KCNQ5: variants seen among roughly 807,000 people sequenced by gnomAD.
The protein encoded by KCNQ5 is potassium voltage-gated channel subfamily KQT member 5.
A neutral mutation model predicts 98.2 loss-of-function variants in KCNQ5; 30 were observed. That is an observed-to-expected ratio of 0.31 (90% CI 0.23 to 0.41). The LOEUF is 0.41. Ranked by LOEUF, KCNQ5 falls within the 10% of genes least tolerant of loss-of-function variation. The pLI, the probability that KCNQ5 is intolerant of heterozygous loss-of-function variation, is 1.00. For synonymous variants in KCNQ5, 458 were observed against 449.4 expected (o/e 1.02, Z -0.24); for missense variants, 835 against 1,182.5 (o/e 0.71, Z 4.31).
Position 73,194,900 on chromosome 6 carries a change from G to A in KCNQ5, c.2285G>A (p.Arg762Lys). Residue 762 changes from arginine to lysine, a missense_variant, in exon 14 of 14, where the codon AGG (arginine) becomes AAG (lysine). Around this residue, in one of 10 missense-constraint regions of KCNQ5, gnomAD observed 416 missense variants for 446.9 expected, o/e 0.93. Coordinates refer to ENST00000370398, the MANE Select transcript of KCNQ5 (RefSeq NM_019842.4). ...CTCCCAGCCATCAAGCATCTGCCCA[G>A]GCCAGAAACTCTGCACCCTAACCCT... Reference protein sequence around the residue: ...PPLPAIKHLPRPETLHPNPAG... With the variant: ...PPLPAIKHLPKPETLHPNPAG... The A allele has an allele frequency of 6.2e-7, 1 of 1,614,094 alleles. No homozygotes were observed. Among genetic ancestry groups the A allele is most frequent in the Non-Finnish European group, 8.5e-7 (1 of 1,180,030 alleles).
chr6:72,997,551 G>A (rs1431644954), intron 1 of KCNQ5, among the ~76,000 whole-genome samples: 2 of 151,350 alleles, frequency 1.3e-5, no homozygotes, highest in South Asian at 2.1e-4. Context: ...AGAGGCGGGC[G>A]GATCACGAGG....
chr6:72,883,146 G>A (rs1488802682), intron 1 of KCNQ5, among the ~76,000 whole-genome samples: 1 of 152,126 alleles, frequency 6.6e-6, no homozygotes, highest in Non-Finnish European at 1.5e-5. Context: ...AGTAATCATT[G>A]TCTGATGAGA....
intron 1 of KCNQ5, among the ~76,000 whole-genome samples, chr6:72,708,782 C>T (rs548576236): frequency 6.6e-6 from 1 of 152,184 alleles, no homozygotes; most frequent in Admixed American, 6.5e-5. Context: ...TTCTAAAGTG[C>T]TGGAATTATA....
At chr6:72,952,061 A>G (rs548588709) in intron 1 of KCNQ5, among the ~76,000 whole-genome samples, 127 of 152,324 alleles carry the variant, frequency 8.3e-4, no homozygotes, top group African/African-American at 3.0e-3. Context: ...GGGGAAAAAA[A>G]TGGCCATTGT....
chr6:73,107,915 C>A (rs953396703), intron 6 of KCNQ5, among the ~76,000 whole-genome samples: 1 of 152,104 alleles, frequency 6.6e-6, no homozygotes, highest in Admixed American at 6.5e-5. Context: ...TCCATATATA[C>A]CTTTAGAAAA....
intron 11 of KCNQ5, among the ~76,000 whole-genome samples, chr6:73,171,170 C>G (rs570065214): frequency 6.6e-6 from 1 of 151,996 alleles, no homozygotes; most frequent in Non-Finnish European, 1.5e-5. Flanking sequence ...TGATGAAACT[C>G]CAGAAGATGT....
intron 1 of KCNQ5, among the ~76,000 whole-genome samples, chr6:72,939,130 C>T (rs1298766436): frequency 6.6e-6 from 1 of 152,172 alleles, no homozygotes; most frequent in East Asian, 1.9e-4. Flanking sequence ...TTGAGCATTA[C>T]AGAACGCTCA....
At chr6:73,123,450 A>G (rs1349719198) in intron 8 of KCNQ5, among the ~76,000 whole-genome samples, 1 of 152,142 alleles carries the variant, frequency 6.6e-6, no homozygotes, top group Non-Finnish European at 1.5e-5. Context: ...GATGAAAGAG[A>G]GGTCTAAGAA....
chr6:72,940,741 C>T (rs1766191759), intron 1 of KCNQ5, among the ~76,000 whole-genome samples: 1 of 152,156 alleles, frequency 6.6e-6, no homozygotes, highest in African/African-American at 2.4e-5. Context: ...TTTGAGTCTA[C>T]CTGTGTTTGA....
chr6:73,050,622 A>G (rs1220601411), intron 3 of KCNQ5, among the ~76,000 whole-genome samples: 1 of 152,212 alleles, frequency 6.6e-6, no homozygotes, highest in Non-Finnish European at 1.5e-5. Flanking sequence ...ACACTCCTAT[A>G]AAATTTTCTC....
chr6:73,074,188 C>G (rs1234760802), intron 3 of KCNQ5, among the ~76,000 whole-genome samples: 1 of 152,046 alleles, frequency 6.6e-6, no homozygotes, highest in Non-Finnish European at 1.5e-5. Flanking sequence ...ACTGTGGAAC[C>G]ACCATTCTAT....
In KCNQ5 at chr6:72,690,674, C is replaced by G. The variant is rs199863102; in HGVS notation, c.398+68087C>G. Among the ~76,000 whole-genome samples the G allele has an allele frequency of 2.0e-5, 3 of 151,258 alleles. No homozygotes were observed. In the East Asian group the frequency reaches 5.8e-4, roughly 29 times the overall value. ...TCTGTTCCCCCAACTGCATACAGAA[C>G]TCTAATGGGGCAGCCCATGCCTCCT... is the stretch of plus-strand genomic sequence containing the variant. On this transcript the variant is annotated intron_variant, in intron 1 of 13. Transcript: ENST00000370398.
chr6:73,188,241 G>C (rs960737355), intron 11 of KCNQ5, among the ~76,000 whole-genome samples: 3 of 152,114 alleles, frequency 2.0e-5, no homozygotes, highest in African/African-American at 7.2e-5. Context: ...TTGTTTTGGG[G>C]GGCAAGTTAC....
intron 1 of KCNQ5, among the ~76,000 whole-genome samples, chr6:72,646,239 A>G (rs1366864182): frequency 2.0e-5 from 3 of 152,128 alleles, no homozygotes; most frequent in South Asian, 2.1e-4. Flanking sequence ...ATATGTTTGT[A>G]TACATATACA....
chr6:73,073,039 G>T (rs925267633), intron 3 of KCNQ5, among the ~76,000 whole-genome samples: 11 of 152,072 alleles, frequency 7.2e-5, no homozygotes, highest in African/African-American at 2.4e-4. Flanking sequence ...TCTCCTCCCT[G>T]CACTTTTCTC....
At chr6:72,722,530 C>T (rs112915326) in intron 1 of KCNQ5, among the ~76,000 whole-genome samples, 1,756 of 152,272 alleles carry the variant, frequency 0.012, 28 homozygotes, top group African/African-American at 0.039. Context: ...CTCTCCAAAT[C>T]TCATTGTCTT....
Position 72,750,493 on chromosome 6 carries a change from T to C in KCNQ5, c.398+127906T>C, listed in dbSNP as rs544852781. Among the ~76,000 whole-genome samples, 277 of 152,200 alleles carry C rather than the reference T, an allele frequency of 1.8e-3. 1 individual carries two copies. Among genetic ancestry groups the C allele is most frequent in the African/African-American group, 6.4e-3 (266 of 41,552 alleles). ...TAATTTTATAAACAATAAAACTAGCTGTTGCTAGATGTCGGTTATAGACTG... is the reference window on the plus strand; with the variant it reads ...TAATTTTATAAACAATAAAACTAGCCGTTGCTAGATGTCGGTTATAGACTG... On this transcript the variant is annotated intron_variant, in intron 1 of 13. Transcript: ENST00000370398.
At chr6:72,786,880 C>A (rs1773776192) in intron 1 of KCNQ5, among the ~76,000 whole-genome samples, 1 of 151,726 alleles carries the variant, frequency 6.6e-6, no homozygotes, top group Admixed American at 6.6e-5. Context: ...GTGGCGGGCA[C>A]CTGTAGTCCC....
At chr6:72,792,462 A>C (rs1774102963) in intron 1 of KCNQ5, among the ~76,000 whole-genome samples, 1 of 152,240 alleles carries the variant, frequency 6.6e-6, no homozygotes, top group African/African-American at 2.4e-5. Flanking sequence ...TCTTGGATAA[A>C]GTGGAACTTT....
Sources: gnomAD v4.1 joint callset for allele counts (sites outside exome capture counted in the v4.1 genomes callset) on GRCh38, gnomAD v4.1.1 for gene constraint, gnomAD v4.1.1 regional missense constraint, MANE v1.5 for transcripts, NCBI Gene and HGNC (gene_info 2026-07-23, HGNC 2026-07-21) for gene names.